The following SKIDA1 variants were observed in gnomAD, a reference collection of about 807,000 sequenced individuals.
The protein encoded by SKIDA1 is SKI/DACH domain containing 1.
SKIDA1 carries 18 observed loss-of-function variants against 51.4 expected under a neutral mutation model. That is an observed-to-expected ratio of 0.35 (90% CI 0.24 to 0.52). The LOEUF is 0.52. SKIDA1 is among the 20% of genes least tolerant of loss of function. The pLI, the probability that SKIDA1 is intolerant of heterozygous loss-of-function variation, is 0.95. For synonymous variants in SKIDA1, 579 were observed against 500.5 expected, an observed-to-expected ratio of 1.16 and a Z score of -2.09; for missense variants, 1,104 against 1,180.6, an observed-to-expected ratio of 0.94 and a Z score of 0.95.
At chr10:21,521,089 A>ACACACACAC (rs71667086) in intron 3 of SKIDA1, among the ~76,000 whole-genome samples, 15 of 48,566 alleles carry the variant, frequency 3.1e-4, no homozygotes, top group African/African-American at 7.5e-4. Flanking sequence ...CACACACACA[A>ACACACACAC]ACACAGAATG....
chr10:21,525,266 G>GT (rs1365337082), intron 1 of SKIDA1, among the ~76,000 whole-genome samples: 1 of 152,206 alleles, frequency 6.6e-6, no homozygotes, highest in African/African-American at 2.4e-5. Flanking sequence ...CAAGTATCAC[G>GT]TTACTGTTTG....
rs1353082235 is a variant in SKIDA1, at chr10:21,516,246, G to A, written c.1577C>T (p.Ala526Val). The stretch of plus-strand genomic sequence containing the variant: ...GCAGTACACCGGAGATGCTTTGGGG[G>A]CCCAGCTCTGCAGATTCCACTCCGC... ...SPAEWNLQSW[A>V]PKASPVYCPA... Residue 526 changes from alanine (A) to valine (V), a missense_variant, in exon 4 of 4, where the codon GCC (alanine) becomes GTC (valine). Coordinates refer to ENST00000449193, the MANE Select transcript of SKIDA1 (RefSeq NM_207371.4). The surrounding 1 kb of genome is among the most constrained non-coding windows in gnomAD (Gnocchi z 5.7). 1 of 1,613,992 alleles carries A rather than the reference G, an allele frequency of 6.2e-7. No individual in the cohort carries two copies. The highest frequency in any genetic ancestry group is 2.2e-5 in the East Asian group (1 of 44,888).
In SKIDA1 at chr10:21,516,442, C is replaced by G. The variant is rs769052275; in HGVS notation, c.1381G>C (p.Val461Leu). Reference protein sequence around the residue: ...DSSSGSSQVSVQSIRFRRTSF... With the variant: ...DSSSGSSQVSLQSIRFRRTSF... ...GTGCGCCTGAATCGGATGCTCTGCA[C>G]TGACACTTGGCTGGAGCCGGAGCTG... The change falls in exon 4 of 4, where the codon GTG becomes CTG. Residue 461 changes from valine (V) to leucine (L), a missense_variant. Coordinates refer to ENST00000449193, the MANE Select transcript of SKIDA1 (RefSeq NM_207371.4). The surrounding 1 kb of genome is among the most constrained non-coding windows in gnomAD (Gnocchi z 5.7). 14 of 1,612,976 alleles carry G rather than the reference C, an allele frequency of 8.7e-6. No individual in the cohort carries two copies. The highest frequency in any genetic ancestry group is 1.2e-5 in the Non-Finnish European group (14 of 1,179,870).
Position 21,517,982 on chromosome 10 carries a change from ACT to A in SKIDA1, c.-162_-161del, listed in dbSNP as rs1234005175. ...TTATTCCCGGCGAAGGAAGTGCCAA[ACT>A]CTAGGCGAAATTATTGGGGGGGGGG... On this transcript the variant is annotated 5_prime_UTR_variant, in exon 4 of 4. Transcript: ENST00000449193. The surrounding 1 kb of genome is among the most constrained non-coding windows in gnomAD (Gnocchi z 6.9). 2 of 590,548 alleles carry A rather than the reference ACT, an allele frequency of 3.4e-6. No homozygotes were observed. Among genetic ancestry groups the A allele is most frequent in the Admixed American group, 7.6e-5 (2 of 26,196 alleles). 36.6% of individuals were successfully genotyped at this position (590,548 alleles called of 1,614,324 possible).
At position 21,516,724 on chromosome 10, in the gene SKIDA1, G is replaced by T. The variant is rs1186619690; in HGVS notation, c.1099C>A (p.Arg367=). 1.9e-6 allele frequency: 3 copies of T among 1,550,734 alleles called. No individual in the cohort carries two copies. Among genetic ancestry groups the T allele is most frequent in the Non-Finnish European group, 8.7e-7 (1 of 1,146,740 alleles). The part of the protein sequence containing the change: ...QQSHHPPHHH[R]PQPHLGSFPE... ...AAGCTGCCCAGATGGGGCTGCGGCC[G>T]GTGGTGGTGAGGGGGGTGGTGACTC... The change falls in exon 4 of 4, where the codon CGG becomes AGG. Residue 367 remains arginine (R), a synonymous_variant. Coordinates refer to ENST00000449193, the MANE Select transcript of SKIDA1 (RefSeq NM_207371.4). This position sits in a 1 kb window ranked among gnomAD's most constrained non-coding sequence, Gnocchi z 5.7.
chr10:21,515,974 C>T lies in SKIDA1; in HGVS notation c.1849G>A (p.Ala617Thr), dbSNP rs2032188276. Residue 617 changes from alanine (A) to threonine (T), a missense_variant, in exon 4 of 4, where the codon GCT becomes ACT. Coordinates refer to ENST00000449193, the MANE Select transcript of SKIDA1 (RefSeq NM_207371.4). ...TTHCADNNTI[A>T]ARFLNNDSSG... ...GAATCATTATTTAAGAACCTAGCAG[C>T]TATTGTGTTGTTATCTGCACAGTGT... is the stretch of plus-strand genomic sequence containing the variant. 6.2e-7 allele frequency: 1 copy of T among 1,613,730 alleles called. No homozygotes were observed. The highest frequency in any genetic ancestry group is 8.5e-7 in the Non-Finnish European group (1 of 1,179,828).
chr10:21,518,079 G>C lies in SKIDA1; in HGVS notation c.-257C>G, dbSNP rs2032297291. 1 of 449,892 alleles carries C rather than the reference G, an allele frequency of 2.2e-6. No individual in the cohort carries two copies. Among genetic ancestry groups the C allele is most frequent in the African/African-American group, 2.0e-5 (1 of 50,248 alleles). 27.9% of individuals were successfully genotyped at this position (449,892 alleles called of 1,614,324 possible). On this transcript the variant is annotated 5_prime_UTR_variant, in exon 4 of 4. Coordinates refer to ENST00000449193, the MANE Select transcript of SKIDA1 (RefSeq NM_207371.4). ...TTGTTGTTTTCGTTTTTTTAAAAAA[G>C]AGGGAAAAAACCATCCGGTTTCTGA...
intron 1 of SKIDA1, among the ~76,000 whole-genome samples, chr10:21,524,276 G>A (rs2032862820): frequency 1.3e-5 from 2 of 152,078 alleles, no homozygotes; most frequent in Admixed American, 6.5e-5. Context: ...CACAACAAAC[G>A]TTATGGAAAA....
rs184454408 is a variant in SKIDA1 at position 21,516,890 on chromosome 10, T to C, written c.933A>G (p.Ala311=). 10,090 of 1,195,014 alleles carry C rather than the reference T, an allele frequency of 8.4e-3. 64 individuals carry two copies. Among genetic ancestry groups the C allele is most frequent in the Middle Eastern group, 8.2e-3 (25 of 3,044 alleles). 74.0% of individuals were successfully genotyped at this position (1,195,014 alleles called of 1,614,324 possible). ...AKAAAAAAAA[A]AAAAAAAGAT... is the part of the protein sequence containing the mutation. ...CCCCCGCGGCGGCCGCCGCCGCCGCTGCCGCCGCCGCCGCCGCCGCCGCCG... is the reference window on the plus strand; with the variant it reads ...CCCCCGCGGCGGCCGCCGCCGCCGCCGCCGCCGCCGCCGCCGCCGCCGCCG... The change falls in exon 4 of 4, where the codon GCA becomes GCG. Residue 311 remains alanine, a synonymous_variant. Coordinates refer to ENST00000449193, the MANE Select transcript of SKIDA1 (RefSeq NM_207371.4). The surrounding 1 kb of genome is among the most constrained non-coding windows in gnomAD (Gnocchi z 5.7).
rs10707268 is a variant in SKIDA1, at chr10:21,518,540, G to GA, written c.-719dup. 1,818 of 153,176 alleles carry GA rather than the reference G, an allele frequency of 0.012. 1 individual carries two copies. The highest frequency in any genetic ancestry group is 0.011 in the East Asian group (48 of 4,498). The allele number at this position is 153,176 out of a possible 1,614,324, so 9.5% of individuals were successfully genotyped here. A position where few individuals can be genotyped will look rare whatever the true frequency, so the allele number is the denominator to read the frequency against. ...AAGCAGTGTGTGTACGCTTAAGGGA[G>GA]AAAAAAAAAAAAACCGCACCGTATA... On this transcript the variant is annotated 5_prime_UTR_variant, in exon 4 of 4. It introduces an in-frame stop codon into an upstream open reading frame of the 5' UTR. Transcript: ENST00000449193.
chr10:21,521,153 C>T (rs1162792220), intron 3 of SKIDA1, among the ~76,000 whole-genome samples: 1 of 151,836 alleles, frequency 6.6e-6, no homozygotes, highest in Non-Finnish European at 1.5e-5. Context: ...GGGGTCTTCT[C>T]CAGGCACATT....
At chr10:21,523,110 A>AATAGATTGC (rs1475137884) in intron 2 of SKIDA1, among the ~76,000 whole-genome samples, 1 of 152,104 alleles carries the variant, frequency 6.6e-6, no homozygotes, top group Non-Finnish European at 1.5e-5. Flanking sequence ...GTGAGGTACA[A>AATAGATTGC]ATCACTTTCA....
At position 21,518,707 on chromosome 10, in the gene SKIDA1, T is replaced by C. The variant is rs939897469; in HGVS notation, c.-885A>G. 32 of 166,784 alleles carry C rather than the reference T, an allele frequency of 1.9e-4. No individual in the cohort carries two copies. The highest frequency in any genetic ancestry group is 5.9e-5 in the Non-Finnish European group (4 of 68,048). 10.3% of individuals were successfully genotyped at this position (166,784 alleles called of 1,614,324 possible). A position where few individuals can be genotyped will look rare whatever the true frequency, so the allele number is the denominator to read the frequency against. On this transcript the variant is annotated 5_prime_UTR_variant, in exon 4 of 4. Transcript: ENST00000449193. ...CCCACCCCCTTTTCCTTTTGGAAAA[T>C]GGAGCTTAAGGGAAAATGTGCAGAA... is the stretch of plus-strand genomic sequence containing the variant.
chr10:21,517,897 A>G lies in SKIDA1; in HGVS notation c.-75T>C, dbSNP rs949194680. On this transcript the variant is annotated 5_prime_UTR_variant, in exon 4 of 4. Transcript: ENST00000449193. The surrounding 1 kb of genome is among the most constrained non-coding windows in gnomAD (Gnocchi z 6.9). Reference sequence around the variant, plus strand: ...CATACATACACATGTATGTATGTTAATCCTCAGCCAGATGCTGCGTGTGTC... The same window carrying G: ...CATACATACACATGTATGTATGTTAGTCCTCAGCCAGATGCTGCGTGTGTC... 1.5e-6 allele frequency: 2 copies of G among 1,314,994 alleles called. No individual in the cohort carries two copies. Among genetic ancestry groups the G allele is most frequent in the African/African-American group, 1.5e-5 (1 of 67,470 alleles). 81.5% of individuals were successfully genotyped at this position (1,314,994 alleles called of 1,614,324 possible).
At chr10:21,524,121 C>G (rs1356150333) in intron 1 of SKIDA1, among the ~76,000 whole-genome samples, 2 of 152,198 alleles carry the variant, frequency 1.3e-5, no homozygotes, top group East Asian at 1.9e-4. Context: ...GAAAAGCTTA[C>G]TTTTCACTTC....
Position 21,516,969 on chromosome 10 carries a change from G to A in SKIDA1, c.854C>T (p.Pro285Leu), listed in dbSNP as rs1205033532. ...RGGAKDCLLA[P>L]HAGARRLLLL... ...CAGCAGGCGCCGCGCGCCGGCGTGA[G>A]GCGCGAGCAGGCAGTCCTTGGCGCC... Residue 285 changes from proline (P) to leucine (L), a missense_variant, in exon 4 of 4, where the codon CCT (proline) becomes CTT (leucine). Transcript: ENST00000449193. This position sits in a 1 kb window ranked among gnomAD's most constrained non-coding sequence, Gnocchi z 5.7. The A allele has an allele frequency of 1.7e-6, 2 of 1,186,392 alleles. No individual in the cohort carries two copies. Among genetic ancestry groups the A allele is most frequent in the Non-Finnish European group, 2.1e-6 (2 of 953,674 alleles). 73.5% of individuals were successfully genotyped at this position (1,186,392 alleles called of 1,614,324 possible). A position where few individuals can be genotyped will look rare whatever the true frequency, so the allele number is the denominator to read the frequency against.
Position 21,517,287 on chromosome 10 carries a change from G to C in SKIDA1, c.536C>G (p.Ser179Trp), listed in dbSNP as rs1289554339. 6.8e-7 allele frequency: 1 copy of C among 1,467,904 alleles called. No homozygotes were observed. The allele number at this position is 1,467,904 out of a possible 1,614,324, so 90.9% of individuals were successfully genotyped here. The change falls in exon 4 of 4, where the codon TCG becomes TGG. Residue 179 changes from serine (S) to tryptophan (W), a missense_variant. This residue lies in a region of SKIDA1 where 938 missense variants were observed against 886.4 expected (regional missense o/e 1.06). Transcript: ENST00000449193. The surrounding 1 kb of genome is among the most constrained non-coding windows in gnomAD (Gnocchi z 6.9). ...CGAGCGCACGATCTCCGGGTAGTGC[G>C]AGCCGGGGTATTTGCTAAAAATCTG... is the stretch of plus-strand genomic sequence containing the variant. ...LPQIFSKYPG[S>W]HYPEIVRSPC...
rs748483426 is a variant in SKIDA1, at chr10:21,516,555, TCCTCCTCCTCCTCTC to T, written c.1253_1267del (p.Gly418_Glu422del). 3.4e-5 allele frequency: 53 copies of T among 1,547,202 alleles called. No homozygotes were observed. The highest frequency in any genetic ancestry group is 4.9e-5 in the East Asian group (2 of 41,048). On this transcript the variant is annotated inframe_deletion, in exon 4 of 4. Coordinates refer to ENST00000449193, the MANE Select transcript of SKIDA1 (RefSeq NM_207371.4). The surrounding 1 kb of genome is among the most constrained non-coding windows in gnomAD (Gnocchi z 5.7). ...GCTGCCCCCCTCCTCCTCCTCTTCC[TCCTCCTCCTCCTCTC>T]CCTCCTCCTCCTCTTCCTCTGAGGA...
rs1264238365 is a variant in SKIDA1, at chr10:21,514,964, C to G, written c.*132G>C. On this transcript the variant is annotated 3_prime_UTR_variant, in exon 4 of 4. Transcript: ENST00000449193. ...CAACGGAAAAAAAGTAATCCGATTT[C>G]TGTCTTCAAAATGCGATAAACCAGG... is the stretch of plus-strand genomic sequence containing the variant. 1.2e-6 allele frequency: 1 copy of G among 845,514 alleles called. No homozygotes were observed. The highest frequency in any genetic ancestry group is 1.4e-6 in the Non-Finnish European group (1 of 711,212). The allele number at this position is 845,514 out of a possible 1,614,324, so 52.4% of individuals were successfully genotyped here.
Sources: allele counts gnomAD v4.1 joint callset (sites outside exome capture counted in the v4.1 genomes callset), GRCh38; gene constraint gnomAD v4.1.1; regional missense constraint gnomAD v4.1.1; non-coding constraint Gnocchi (gnomAD v3.1); transcripts MANE v1.5; gene names NCBI Gene and HGNC (gene_info 2026-07-23, HGNC 2026-07-21).